Variants in TTI1 observed in about 807,000 individuals in gnomAD.
TTI1 encodes TELO2-interacting protein 1 homolog.
A neutral mutation model predicts 85.4 loss-of-function variants in TTI1; 52 were observed. That is an observed-to-expected ratio of 0.61 (90% confidence interval 0.49 to 0.77). TTI1 has a LOEUF of 0.77. TTI1 is among the 30% of genes least tolerant of loss of function. The pLI is 0.00. For missense variants in TTI1, 1,173 were observed against 1,296.0 expected (o/e 0.91, Z 1.46); for synonymous variants, 512 against 503.9 (o/e 1.02, Z -0.22).
chr20:37,989,918 G>C (rs2073240140), intron 7 of TTI1, among the ~76,000 whole-genome samples: 1 of 152,232 alleles, frequency 6.6e-6, no homozygotes, highest in Non-Finnish European at 1.5e-5. Flanking sequence ...AGTCACAACA[G>C]TACCCAGTGT....
intron 1 of TTI1, 148 bp from the exon 2 acceptor site, chr20:38,014,005 T>C (rs1261941085): frequency 1.4e-6 from 1 of 722,132 alleles, no homozygotes; most frequent in Non-Finnish European, 2.2e-6. Flanking sequence ...CTGAGCCCCC[T>C]GTCTAGTGAG....
chr20:37,999,266 G>T lies in TTI1; in HGVS notation c.2715C>A (p.Pro905=). 6.5e-7 allele frequency: 1 copy of T among 1,529,608 alleles called. No individual in the cohort carries two copies. The highest frequency in any genetic ancestry group is 1.4e-5 in the African/African-American group (1 of 71,216). The allele number at this position is 1,529,608 out of a possible 1,614,324, so 94.8% of individuals were successfully genotyped here. ...GCGAGGGCCAGGCCTGATGAGCCAA[G>T]GGAAGCAGCTGGTTTTTGTGGGACT... ...VLQSHKNQLL[P]LAHQAWPSLV... The change falls in exon 5 of 8, where the codon CCC becomes CCA. Residue 905 remains proline (P), a synonymous_variant. Coordinates refer to ENST00000373447, the MANE Select transcript of TTI1 (RefSeq NM_001303457.2).
chr20:38,031,885 G>A (rs1231177966), intron 1 of TTI1, among the ~76,000 whole-genome samples: 1 of 152,200 alleles, frequency 6.6e-6, no homozygotes, highest in Non-Finnish European at 1.5e-5. Context: ...TAAGACTGAT[G>A]TAAGAATTAA....
chr20:37,999,507 G>A (rs556115601), intron 4 of TTI1, among the ~76,000 whole-genome samples, 179 bp from the exon 5 acceptor site: 2 of 152,288 alleles, frequency 1.3e-5, no homozygotes, highest in Admixed American at 6.5e-5. Context: ...CAAAATACAC[G>A]TTTCCTTGCC....
intron 1 of TTI1, among the ~76,000 whole-genome samples, chr20:38,020,310 GAAAAAAAA>G (rs772839935): frequency 2.1e-5 from 1 of 48,276 alleles, no homozygotes. Context: ...CTACTCATAT[GAAAAAAAA>G]AAAAAATATA....
intron 4 of TTI1, 90 bp downstream of exon 4, chr20:38,002,538 A>G: frequency 6.6e-7 from 1 of 1,515,910 alleles, no homozygotes; most frequent in South Asian, 1.2e-5. Flanking sequence ...AGATAAGGGG[A>G]GCTACGTGCT....
intron 7 of TTI1, among the ~76,000 whole-genome samples, chr20:37,991,964 C>A (rs1305264922): frequency 2.6e-5 from 4 of 152,218 alleles, no homozygotes; most frequent in Non-Finnish European, 5.9e-5. Flanking sequence ...ATCATTTGCT[C>A]AAGGTCACAT....
Position 38,013,761 on chromosome 20 carries a change from A to G in TTI1, c.56T>C (p.Val19Ala). 6.2e-7 allele frequency: 1 copy of G among 1,614,150 alleles called. No homozygotes were observed. The highest frequency in any genetic ancestry group is 8.5e-7 in the Non-Finnish European group (1 of 1,180,044). ...CACTGTCTGGGTCTTTGTGAGCTGA[A>G]CACAGACTGGACGTAAGACACCAAA... Reference protein sequence around the residue: ...EAFGVLRPVCVQLTKTQTVEN... With the variant: ...EAFGVLRPVCAQLTKTQTVEN... The change falls in exon 2 of 8, where the codon GTT (valine) becomes GCT (alanine). Residue 19 changes from valine (V) to alanine (A), a missense_variant. Transcript: ENST00000373447.
intron 1 of TTI1, among the ~76,000 whole-genome samples, chr20:38,016,113 T>C (rs2073678223): frequency 6.6e-6 from 1 of 152,184 alleles, no homozygotes; most frequent in African/African-American, 2.4e-5. Context: ...GACAGTGGAA[T>C]AGCACCTACT....
intron 7 of TTI1, among the ~76,000 whole-genome samples, chr20:37,984,957 A>C (rs774892693): frequency 3.9e-5 from 6 of 152,218 alleles, no homozygotes; most frequent in Non-Finnish European, 7.3e-5. Flanking sequence ...GAGTTACTAC[A>C]TTGCACATGA....
In TTI1 at chr20:38,021,955, C is replaced by T. The variant is rs2073776973; in HGVS notation, c.-41-8098G>A. Among the ~76,000 whole-genome samples the T allele has an allele frequency of 3.3e-5, 5 of 152,224 alleles. No homozygotes were observed. The South Asian group carries it at 1.0e-3, about 32-fold the overall frequency. On this transcript the variant is annotated intron_variant, in intron 1 of 7. Transcript: ENST00000373447. ...AGTGAAAAAGGGAGGGGAAAAAGTG[C>T]AAAAGGAATTTGGAAACAGAATGAA...
At chr20:37,988,300 C>A (rs1267868156) in intron 7 of TTI1, among the ~76,000 whole-genome samples, 1 of 152,192 alleles carries the variant, frequency 6.6e-6, no homozygotes, top group Non-Finnish European at 1.5e-5. Flanking sequence ...TCCAACAGAC[C>A]ACGAGAGTTT....
Position 37,983,549 on chromosome 20 carries a change from G to A in TTI1, c.3177C>T (p.His1059=), listed in dbSNP as rs2073150150. 1 of 1,610,434 alleles carries A rather than the reference G, an allele frequency of 6.2e-7. No homozygotes were observed. ...GCAGCTGCACAGGGTGGAGGCTGGG[G>A]TGGGGAGGTGTGAACTGCACGGGGC... ...LYCPVQFTPP[H]PSLHPVQLHG... The change falls in exon 8 of 8, where the codon CAC becomes CAT. Residue 1059 remains histidine (H), a synonymous_variant. Transcript: ENST00000373447.
At chr20:38,029,567 CAAGA>C (rs1419185882) in intron 1 of TTI1, among the ~76,000 whole-genome samples, 11 of 131,280 alleles carry the variant, frequency 8.4e-5, no homozygotes, top group Non-Finnish European at 9.3e-5. Flanking sequence ...AGTGAGTGAG[CAAGA>C]GAGAGAGAGA....
chr20:38,011,395 A>G, intron 2 of TTI1, 120 bp downstream of exon 2: 1 of 1,145,686 alleles, frequency 8.7e-7, no homozygotes, highest in East Asian at 2.5e-5. Flanking sequence ...GACTGGAGAG[A>G]AAATGATTAA....
Position 38,002,692 on chromosome 20 carries a change from G to A in TTI1, c.2588C>T (p.Ala863Val). 1 of 1,614,230 alleles carries A rather than the reference G, an allele frequency of 6.2e-7. No individual in the cohort carries two copies. Among genetic ancestry groups the A allele is most frequent in the Non-Finnish European group, 8.5e-7 (1 of 1,180,040 alleles). Reference sequence around the variant, plus strand: ...GATGCAGCGTTCCATCACGTCCATGGCTATTTGGATCTGCAATGGCAGTGG... The same window carrying A: ...GATGCAGCGTTCCATCACGTCCATGACTATTTGGATCTGCAATGGCAGTGG... The part of the protein sequence containing the change: ...EPPLPLQIQI[A>V]MDVMERCIHL... Residue 863 changes from alanine to valine, a missense_variant, in exon 4 of 8, where the codon GCC (alanine) becomes GTC (valine). By Grantham distance (64) the Ala-to-Val change is moderately conservative. Transcript: ENST00000373447.
Position 38,012,130 on chromosome 20 carries a change from C to T in TTI1, c.1687G>A (p.Glu563Lys). ...LREIVTSILE[E>K]YTSQENWYLV... ...TACCAATTTTCTTGACTTGTGTATT[C>T]TTCAAGTATAGATGTCACAATCTCT... Residue 563 changes from glutamate (E) to lysine (K), a missense_variant, in exon 2 of 8, where the codon GAA becomes AAA. Physicochemically the swap from Glu to Lys is moderately conservative, Grantham distance 56. Coordinates refer to ENST00000373447, the MANE Select transcript of TTI1 (RefSeq NM_001303457.2). 6.2e-7 allele frequency: 1 copy of T among 1,614,178 alleles called. No individual in the cohort carries two copies. The highest frequency in any genetic ancestry group is 8.5e-7 in the Non-Finnish European group (1 of 1,180,040).
At chr20:38,023,669 G>C (rs1448258301) in intron 1 of TTI1, among the ~76,000 whole-genome samples, 1 of 152,194 alleles carries the variant, frequency 6.6e-6, no homozygotes, top group African/African-American at 2.4e-5. Context: ...AGCATCTGCT[G>C]CTGTCTGCCA....
At chr20:38,002,377 G>C (rs140572778) in intron 4 of TTI1, among the ~76,000 whole-genome samples, 97 of 152,298 alleles carry the variant, frequency 6.4e-4, no homozygotes, top group Non-Finnish European at 1.1e-3. Context: ...TCTTTTCCTT[G>C]GAAATTCAGT....
Sources: allele counts gnomAD v4.1 joint callset (sites outside exome capture counted in the v4.1 genomes callset), GRCh38; gene constraint gnomAD v4.1.1; transcripts MANE v1.5; gene names NCBI Gene and HGNC (gene_info 2026-07-23, HGNC 2026-07-21).